The following NLRP5 variants were observed in gnomAD, a reference collection of about 807,000 sequenced individuals.
NLRP5 encodes NLR family pyrin domain containing 5, also known as NACHT, LRR and PYD domains-containing protein 5.
NLRP5 carries 93 observed loss-of-function variants against 113.1 expected under a neutral mutation model. The observed-to-expected ratio is 0.82, with a 90% confidence interval of 0.70 to 0.98. The LOEUF is 0.98. Among genes scored for constraint, NLRP5 ranks in the 50% least tolerant of loss-of-function variants. NLRP5 has a pLI of 0.00. For missense variants in NLRP5, 1,808 were observed against 1,514.3 expected (o/e 1.19, Z -3.22); for synonymous variants, 751 against 600.7 (o/e 1.25, Z -3.66).
the NLRP5 span, chr19:55,988,024 G>C: frequency 1.3e-6 from 1 of 780,908 alleles, no homozygotes; most frequent in Admixed American, 2.0e-5. Flanking sequence ...CCCTGAAACA[G>C]AGCAACCCAG....
chr19:55,991,354 C>T, the NLRP5 span, among the ~76,000 whole-genome samples: 47,844 of 151,670 alleles, frequency 0.32, 7,597 homozygotes, highest in South Asian at 0.35. Context: ...TTAGAATTTT[C>T]TTGTCTAGTT....
chr19:56,056,418 TTGG>T (rs1283734644), intron 13 of NLRP5, among the ~76,000 whole-genome samples: 7 of 152,058 alleles, frequency 4.6e-5, no homozygotes, highest in Non-Finnish European at 1.0e-4. Flanking sequence ...TTAGCCGGGC[TTGG>T]TGGCGTACGC....
At chr19:56,052,253 TTTTG>T (rs997959838) in intron 12 of NLRP5, among the ~76,000 whole-genome samples, 21 of 112,310 alleles carry the variant, frequency 1.9e-4, no homozygotes, top group Non-Finnish European at 4.7e-5. Flanking sequence ...TTTGTTTTGT[TTTTG>T]TTTTTGTTTT....
In NLRP5 at chr19:56,046,002, A is replaced by G. The variant is rs376741640; in HGVS notation, c.2958-4416A>G. Among the ~76,000 whole-genome samples, 31 of 152,294 alleles carry G rather than the reference A, an allele frequency of 2.0e-4. No homozygotes were observed. The East Asian group carries it at 2.3e-3, about 11-fold the overall frequency. On this transcript the variant is annotated intron_variant, in intron 11 of 14. Transcript: ENST00000390649. The stretch of plus-strand genomic sequence containing the variant: ...GGTCACCATGGCTTGACCATGGTGC[A>G]TCCTGCTCAGAAGACCTCAGTCTTA...
chr19:56,029,513 G>A (rs1366245276), intron 7 of NLRP5, among the ~76,000 whole-genome samples: 3 of 152,030 alleles, frequency 2.0e-5, no homozygotes, highest in Admixed American at 6.5e-5. Flanking sequence ...TGAGCCACCT[G>A]CCTTGGCCTC....
At chr19:56,061,320 G>T in intron 14 of NLRP5, 76 bp from the exon 15 acceptor site, 3 of 1,528,616 alleles carry the variant, frequency 2.0e-6, no homozygotes, top group Non-Finnish European at 2.7e-6. Flanking sequence ...CCTTGATGAG[G>T]CTACCAGGAA....
rs1358037380 is a variant in NLRP5, at chr19:56,026,525, C to T, written c.680-388C>T. ...CCTGGGTGACAGAGCAAGACTCCAT[C>T]TCAAAAAAAAAAAAAAAAAAAAAAT... On this transcript the variant is annotated intron_variant, in intron 6 of 14. Coordinates refer to ENST00000390649, the MANE Select transcript of NLRP5 (RefSeq NM_153447.4). Among the ~76,000 whole-genome samples the T allele has an allele frequency of 2.2e-4, 4 of 18,070 alleles. No individual in the cohort carries two copies. The Admixed American group carries it at 2.5e-3, about 11-fold the overall frequency. The allele number at this position is 18,070 out of a possible 152,430, so 11.9% of individuals were successfully genotyped here. A position where few individuals can be genotyped will look rare whatever the true frequency, so the allele number is the denominator to read the frequency against.
At chr19:56,037,683 G>C (rs1255904175) in intron 9 of NLRP5, among the ~76,000 whole-genome samples, 1 of 121,680 alleles carries the variant, frequency 8.2e-6, no homozygotes, top group African/African-American at 3.4e-5. Flanking sequence ...ACAAGAGCAA[G>C]ACCCTGTCTC....
chr19:56,005,132 TAC>T (rs1296681357), intron 2 of NLRP5, among the ~76,000 whole-genome samples: 67 of 144,132 alleles, frequency 4.6e-4, no homozygotes, highest in Non-Finnish European at 7.2e-4. Context: ...ATATAATATA[TAC>T]ACACACACAT....
At position 56,004,023 on chromosome 19, in the gene NLRP5, G is replaced by T. The variant is rs2123267519; in HGVS notation, c.370G>T (p.Ala124Ser). The stretch of plus-strand genomic sequence containing the variant: ...GTATTATGGAGCATCGCTGGCCTGG[G>T]CTACGTCCATTAGCATCTTTGAAAA... The change falls in exon 2 of 15, where the codon GCT becomes TCT. Residue 124 changes from alanine (A) to serine (S), a missense_variant. Coordinates refer to ENST00000390649, the MANE Select transcript of NLRP5 (RefSeq NM_153447.4). 1 of 1,613,882 alleles carries T rather than the reference G, an allele frequency of 6.2e-7. No individual in the cohort carries two copies. The highest frequency in any genetic ancestry group is 8.5e-7 in the Non-Finnish European group (1 of 1,179,850).
intron 11 of NLRP5, among the ~76,000 whole-genome samples, chr19:56,044,236 G>C (rs1235277917): frequency 1.7e-4 from 26 of 151,858 alleles, no homozygotes; most frequent in Admixed American, 1.7e-3. Flanking sequence ...GCTAATTTTT[G>C]TATTTTTAGT....
intron 1 of NLRP5, among the ~76,000 whole-genome samples, chr19:56,002,796 C>T (rs1292774562): frequency 6.6e-6 from 1 of 151,894 alleles, no homozygotes; most frequent in African/African-American, 2.4e-5. Flanking sequence ...GACATGAACT[C>T]ATCCTTTTTT....
At chr19:56,013,437 C>T (rs914328770) in intron 3 of NLRP5, among the ~76,000 whole-genome samples, 2 of 151,818 alleles carry the variant, frequency 1.3e-5, no homozygotes, top group Non-Finnish European at 2.9e-5. Flanking sequence ...TGTGATCTGC[C>T]CACCTCAGCC....
At chr19:56,031,034 G>A (rs994809899) in intron 7 of NLRP5, among the ~76,000 whole-genome samples, 2 of 151,678 alleles carry the variant, frequency 1.3e-5, no homozygotes, top group African/African-American at 2.4e-5. Flanking sequence ...TTATTCTTGA[G>A]GGCAAACCCA....
At position 56,036,058 on chromosome 19, in the gene NLRP5, C is replaced by CTTTTTTTTTTTTTTTTTTT. The variant is rs34956178; in HGVS notation, c.2616-1963_2616-1945dup. On this transcript the variant is annotated intron_variant, in intron 9 of 14. Coordinates refer to ENST00000390649, the MANE Select transcript of NLRP5 (RefSeq NM_153447.4). Reference sequence around the variant, plus strand: ...ACATGCTGATGAATGAATTGAGATTCTTTTTTTTTTTTTTTTTTTTTTGGA... The same window carrying CTTTTTTTTTTTTTTTTTTT: ...ACATGCTGATGAATGAATTGAGATTCTTTTTTTTTTTTTTTTTTTTTTTTTTTTTTTTTTTTTTTTTGGA... 1.0e-3 allele frequency among the ~76,000 whole-genome samples: 80 copies of CTTTTTTTTTTTTTTTTTTT among 76,998 alleles called. 9 individuals carry two copies. Among genetic ancestry groups the CTTTTTTTTTTTTTTTTTTT allele is most frequent in the African/African-American group, 3.3e-3 (59 of 17,612 alleles). The allele number at this position is 76,998 out of a possible 152,430, so 50.5% of individuals were successfully genotyped here. A position where few individuals can be genotyped will look rare whatever the true frequency, so the allele number is the denominator to read the frequency against.
intron 13 of NLRP5, among the ~76,000 whole-genome samples, chr19:56,056,705 C>T (rs1984166653): frequency 6.6e-6 from 1 of 152,154 alleles, no homozygotes; most frequent in South Asian, 2.1e-4. Flanking sequence ...CCTCAGCCTC[C>T]CTACTGGATG....
chr19:56,036,583 G>A (rs1041098687), intron 9 of NLRP5, among the ~76,000 whole-genome samples: 1 of 152,210 alleles, frequency 6.6e-6, no homozygotes, highest in African/African-American at 2.4e-5. Flanking sequence ...AGGGAGAGCA[G>A]AACAAGACAA....
chr19:56,013,699 G>C (rs1409173341), intron 3 of NLRP5, among the ~76,000 whole-genome samples: 1 of 144,380 alleles, frequency 6.9e-6, no homozygotes, highest in Admixed American at 7.4e-5. Context: ...CCTATACCTA[G>C]GAGTGGAAGT....
Position 56,011,307 on chromosome 19 carries a change from C to CT in NLRP5, c.508+2455dup, listed in dbSNP as rs1453578511. 5.3e-5 allele frequency among the ~76,000 whole-genome samples: 8 copies of CT among 152,036 alleles called. No homozygotes were observed. The East Asian group carries it at 1.5e-3, about 29-fold the overall frequency. ...TAGAATCGGCAAATCCATTTAAATA[C>CT]TAGATTAGTGGTTGCCTAGGGCTGG... is the stretch of plus-strand genomic sequence containing the variant. On this transcript the variant is annotated intron_variant, in intron 3 of 14. Coordinates refer to ENST00000390649, the MANE Select transcript of NLRP5 (RefSeq NM_153447.4).
Sources: gnomAD v4.1 joint callset for allele counts (sites outside exome capture counted in the v4.1 genomes callset) on GRCh38, gnomAD v4.1.1 for gene constraint, MANE v1.5 for transcripts, NCBI Gene and HGNC (gene_info 2026-07-23, HGNC 2026-07-21) for gene names.